CHODL: variants seen among roughly 807,000 people sequenced by gnomAD.
The protein encoded by CHODL is transmembrane protein MT75.
A neutral mutation model predicts 34.5 loss-of-function variants in CHODL; 29 were observed. That is an observed-to-expected ratio of 0.84 (90% CI 0.63 to 1.15). CHODL has a LOEUF of 1.15. Ranked by LOEUF, CHODL falls within the 50% of genes most tolerant of loss-of-function variation. The pLI is 0.00. For synonymous variants in CHODL, 125 were observed against 116.1 expected, an observed-to-expected ratio of 1.08 and a Z score of -0.49; for missense variants, 332 against 332.5, an observed-to-expected ratio of 1.00 and a Z score of 0.01.
rs1191068396 is a variant in CHODL, at chr21:17,967,868, G to A, written c.-145+50468G>A. 2.0e-5 allele frequency among the ~76,000 whole-genome samples: 3 copies of A among 152,190 alleles called. No homozygotes were observed. The South Asian group carries it at 6.2e-4, about 32-fold the overall frequency. The stretch of plus-strand genomic sequence containing the variant: ...CCCAACAATATCCCTTTCCTTAAAG[G>A]GCAGAATCATGTCAGGACCAATGCC... On this transcript the variant is annotated intron_variant, in intron 1 of 6. Transcript: ENST00000400127.
At chr21:17,982,696 CTTTTTTTTTTT>C (rs397867753) in intron 1 of CHODL, among the ~76,000 whole-genome samples, 2 of 62,980 alleles carry the variant, frequency 3.2e-5, no homozygotes, top group African/African-American at 1.3e-4. Context: ...TATATATATT[CTTTTTTTTTTT>C]TTTTTTTTTT....
intron 2 of CHODL, among the ~76,000 whole-genome samples, chr21:18,113,403 T>C (rs561758750): frequency 6.6e-6 from 1 of 152,302 alleles, no homozygotes; most frequent in African/African-American, 2.4e-5. Flanking sequence ...GTTCTCACAT[T>C]GCTAAAAATA....
intron 2 of CHODL, among the ~76,000 whole-genome samples, chr21:18,089,183 A>G (rs150347): frequency 1 from 152,358 of 152,358 alleles, 76,179 homozygotes; most frequent in Non-Finnish European, 1. Context: ...TTAGCTAGTA[A>G]ATAATTTGAT....
chr21:18,110,015 T>C (rs2065327709), intron 2 of CHODL, among the ~76,000 whole-genome samples: 1 of 152,220 alleles, frequency 6.6e-6, no homozygotes, highest in Non-Finnish European at 1.5e-5. Context: ...TGTGCTTTGC[T>C]GACAAGTCCT....
intron 2 of CHODL, among the ~76,000 whole-genome samples, chr21:18,057,412 T>A (rs1202710103): frequency 2.0e-5 from 3 of 152,068 alleles, no homozygotes; most frequent in Non-Finnish European, 4.4e-5. Flanking sequence ...AGTTCCCGTA[T>A]ACCTCTCGAC....
Position 18,092,799 on chromosome 21 carries a change from C to T in CHODL, c.-45+64828C>T, listed in dbSNP as rs74397224. 7.2e-5 allele frequency among the ~76,000 whole-genome samples: 11 copies of T among 152,228 alleles called. No homozygotes were observed. In the East Asian group the frequency reaches 1.9e-3, roughly 27 times the overall value. On this transcript the variant is annotated intron_variant, in intron 2 of 6. Transcript: ENST00000400127. ...GAGACAAAGAAAAAAGAATACAAAA[C>T]AGTAAAGCTCACCTGTAAGATCTAG...
intron 2 of CHODL, among the ~76,000 whole-genome samples, chr21:18,131,580 T>A (rs550631002): frequency 6.6e-5 from 10 of 152,212 alleles, no homozygotes; most frequent in Non-Finnish European, 1.5e-4. Context: ...AATTTAAGTA[T>A]GCAATATTTG....
chr21:18,216,008 CTTT>C (rs367567103), intron 2 of CHODL, among the ~76,000 whole-genome samples: 23 of 152,006 alleles, frequency 1.5e-4, no homozygotes, highest in African/African-American at 5.6e-4. Flanking sequence ...TATTATTTAT[CTTT>C]TTCCTTTTTT....
chr21:17,973,523 T>A (rs2063634969), intron 1 of CHODL, among the ~76,000 whole-genome samples: 1 of 151,234 alleles, frequency 6.6e-6, no homozygotes. Flanking sequence ...TTCACGCCAT[T>A]CTCCTGCCTC....
chr21:18,070,519 A>G (rs2064790685), intron 2 of CHODL, among the ~76,000 whole-genome samples: 1 of 152,178 alleles, frequency 6.6e-6, no homozygotes, highest in African/African-American at 2.4e-5. Flanking sequence ...ATATTTCATA[A>G]TGGGCATTAA....
At chr21:18,074,915 A>G (rs1482422985) in intron 2 of CHODL, among the ~76,000 whole-genome samples, 1 of 152,174 alleles carries the variant, frequency 6.6e-6, no homozygotes. Flanking sequence ...ACTAAGGACC[A>G]GATGTAACGA....
intron 2 of CHODL, among the ~76,000 whole-genome samples, chr21:18,098,392 G>A (rs1015721075): frequency 4.0e-5 from 6 of 151,846 alleles, no homozygotes; most frequent in Admixed American, 1.3e-4. Flanking sequence ...ATTAAAAATG[G>A]GCAAAAGAGT....
intron 1 of CHODL, among the ~76,000 whole-genome samples, chr21:17,927,830 T>C (rs887832512): frequency 1.3e-5 from 2 of 152,212 alleles, no homozygotes; most frequent in Non-Finnish European, 2.9e-5. Context: ...TTCCAATAAA[T>C]AGTTGTTAAA....
chr21:18,104,842 T>C (rs749701232), intron 2 of CHODL, among the ~76,000 whole-genome samples: 2 of 152,236 alleles, frequency 1.3e-5, no homozygotes, highest in Non-Finnish European at 2.9e-5. Context: ...TTTTAAAAGA[T>C]TTCTAACCAT....
intron 1 of CHODL, among the ~76,000 whole-genome samples, chr21:18,026,439 CGA>C (rs386816722): frequency 1 from 152,106 of 152,112 alleles, 76,050 homozygotes; most frequent in Middle Eastern, 1. Context: ...AGTAGGGGTT[CGA>C]CAAGCTTGGA....
At chr21:18,167,211 C>CTCTCTG (rs1287766265) in intron 2 of CHODL, among the ~76,000 whole-genome samples, 3 of 88,136 alleles carry the variant, frequency 3.4e-5, no homozygotes, top group African/African-American at 1.3e-4. Flanking sequence ...TTCTCTCTCT[C>CTCTCTG]TGTGTGTGTG....
At chr21:18,196,074 T>C (rs574559753) in intron 2 of CHODL, among the ~76,000 whole-genome samples, 30 of 152,346 alleles carry the variant, frequency 2.0e-4, no homozygotes, top group Middle Eastern at 6.8e-3. Flanking sequence ...TCCAAGGTGC[T>C]TTCCAGCTCT....
intron 1 of CHODL, among the ~76,000 whole-genome samples, chr21:17,938,351 C>T (rs1320895183): frequency 6.7e-6 from 1 of 148,688 alleles, no homozygotes; most frequent in East Asian, 2.0e-4. Context: ...ACAAGAAATG[C>T]AGTAGATACA....
At chr21:18,089,554 G>T (rs1257951123) in intron 2 of CHODL, among the ~76,000 whole-genome samples, 1 of 152,082 alleles carries the variant, frequency 6.6e-6, no homozygotes, top group African/African-American at 2.4e-5. Context: ...GAATTACACA[G>T]TATATTCTGT....
Sources: gnomAD v4.1 joint callset for allele counts (sites outside exome capture counted in the v4.1 genomes callset) on GRCh38, gnomAD v4.1.1 for gene constraint, MANE v1.5 for transcripts, NCBI Gene and HGNC (gene_info 2026-07-23, HGNC 2026-07-21) for gene names.